Variants in TMEM132C observed in about 807,000 individuals in gnomAD.
TMEM132C encodes the protein protein phosphatase 1, regulatory subunit 152.
In TMEM132C, 29 loss-of-function variants were observed where a neutral mutation model predicts 61.4. The observed-to-expected ratio is 0.47, with a 90% CI of 0.35 to 0.64. The LOEUF is 0.64. TMEM132C is among the 30% of genes least tolerant of loss of function. TMEM132C has a pLI of 0.00. For synonymous variants in TMEM132C, 656 were observed against 633.1 expected (o/e 1.04, Z -0.54); for missense variants, 1,408 against 1,476.9 (o/e 0.95, Z 0.76).
chr12:128,649,835 T>G (rs548965592), intron 4 of TMEM132C, among the ~76,000 whole-genome samples: 5 of 152,358 alleles, frequency 3.3e-5, no homozygotes, highest in African/African-American at 1.2e-4. Context: ...ATTGCTTTCT[T>G]TTTTAAATGC....
chr12:128,275,383 G>A (rs1179821579), intron 1 of TMEM132C, among the ~76,000 whole-genome samples: 5 of 152,110 alleles, frequency 3.3e-5, no homozygotes, highest in Non-Finnish European at 5.9e-5. Flanking sequence ...CATGCGAGGG[G>A]CCTAGGTTGC....
intron 4 of TMEM132C, among the ~76,000 whole-genome samples, chr12:128,623,090 C>T (rs1200115718): frequency 6.6e-6 from 1 of 152,180 alleles, no homozygotes; most frequent in Non-Finnish European, 1.5e-5. Context: ...GCACATGAAG[C>T]TGTTCTGCCT....
chr12:128,585,605 AGC>A (rs1875514704), intron 3 of TMEM132C, among the ~76,000 whole-genome samples: 2 of 152,276 alleles, frequency 1.3e-5, no homozygotes, highest in South Asian at 4.1e-4. Flanking sequence ...AATATTGTAT[AGC>A]CATTTAAAAT....
chr12:128,643,021 G>T (rs533902268), intron 4 of TMEM132C, among the ~76,000 whole-genome samples: 2 of 152,116 alleles, frequency 1.3e-5, no homozygotes, highest in African/African-American at 4.8e-5. Context: ...TCATTGTAGC[G>T]ATCTCTCACT....
intron 1 of TMEM132C, among the ~76,000 whole-genome samples, chr12:128,341,035 G>T (rs1872963310): frequency 6.6e-6 from 1 of 151,276 alleles, no homozygotes; most frequent in African/African-American, 2.4e-5. Context: ...CCGCCTCCCA[G>T]GTTCAAATGA....
At chr12:128,512,751 C>T (rs1297323301) in intron 2 of TMEM132C, among the ~76,000 whole-genome samples, 2 of 152,174 alleles carry the variant, frequency 1.3e-5, no homozygotes, top group Non-Finnish European at 2.9e-5. Flanking sequence ...CACTGTTCCG[C>T]ACCCACCAAC....
chr12:128,427,026 G>A (rs924195516), intron 2 of TMEM132C, among the ~76,000 whole-genome samples: 20 of 152,162 alleles, frequency 1.3e-4, no homozygotes, highest in African/African-American at 3.6e-4. Context: ...GGCAGGATAA[G>A]GTGGCAAGTG....
intron 1 of TMEM132C, among the ~76,000 whole-genome samples, chr12:128,328,172 T>C (rs1027302229): frequency 1.3e-5 from 2 of 152,154 alleles, no homozygotes; most frequent in African/African-American, 4.8e-5. Context: ...ATTGGAAAGC[T>C]TTGGGGCTAT....
chr12:128,320,732 A>G (rs1002967979), intron 1 of TMEM132C, among the ~76,000 whole-genome samples: 1 of 152,010 alleles, frequency 6.6e-6, no homozygotes, highest in Non-Finnish European at 1.5e-5. Flanking sequence ...GTGAGCTGAG[A>G]TCACACCAGT....
rs116764988 is a variant in TMEM132C, at chr12:128,576,713, G to A, written c.1121+32610G>A. ...CAGGTTAAGCCATTTGTCCGTGATC[G>A]CACACCTAAGGGGTGGCAGAGTTTT... On this transcript the variant is annotated intron_variant, in intron 3 of 8. Transcript: ENST00000435159. 4.2e-3 allele frequency among the ~76,000 whole-genome samples: 634 copies of A among 152,298 alleles called. 6 individuals carry two copies. The highest frequency in any genetic ancestry group is 0.015 in the African/African-American group (604 of 41,562).
chr12:128,365,011 G>C (rs1488618453), intron 1 of TMEM132C, among the ~76,000 whole-genome samples: 1 of 152,174 alleles, frequency 6.6e-6, no homozygotes, highest in Non-Finnish European at 1.5e-5. Flanking sequence ...TTTATGTTGC[G>C]GGTTTCAGAT....
At position 128,705,585 on chromosome 12, in the gene TMEM132C, C is replaced by T. The variant is rs868346446; in HGVS notation, c.2617C>T (p.Arg873Trp). ...GGACAACAAAGTGGTGAAGAACAGT[C>T]GGGCAGACGGGGGCAGGCTGGCAGG... is the stretch of plus-strand genomic sequence containing the variant. Reference protein sequence around the residue: ...LLDNKVVKNSRADGGRLAGEG... With the variant: ...LLDNKVVKNSWADGGRLAGEG... The change falls in exon 9 of 9, where the codon CGG becomes TGG. Residue 873 changes from arginine to tryptophan, a missense_variant. By Grantham distance (101) the Arg-to-Trp change is moderately radical. Coordinates refer to ENST00000435159, the MANE Select transcript of TMEM132C (RefSeq NM_001136103.3). The T allele has an allele frequency of 1.4e-5, 22 of 1,551,106 alleles. No individual in the cohort carries two copies. The highest frequency in any genetic ancestry group is 1.8e-5 in the Non-Finnish European group (21 of 1,146,976).
At chr12:128,362,132 A>T (rs1393897402) in intron 1 of TMEM132C, among the ~76,000 whole-genome samples, 1 of 152,100 alleles carries the variant, frequency 6.6e-6, no homozygotes, top group Non-Finnish European at 1.5e-5. Context: ...TGAAATGACC[A>T]GGTTGGTTTG....
intron 3 of TMEM132C, among the ~76,000 whole-genome samples, chr12:128,572,352 G>A: frequency 6.6e-6 from 1 of 151,858 alleles, no homozygotes; most frequent in African/African-American, 2.4e-5. Context: ...TGGGTCACAT[G>A]ACTACTTGTG....
rs772817199 is a variant in TMEM132C at position 128,411,408 on chromosome 12, T to C, written c.86-3324T>C. Among the ~76,000 whole-genome samples, 4 of 152,258 alleles carry C rather than the reference T, an allele frequency of 2.6e-5. No individual in the cohort carries two copies. In the East Asian group the frequency reaches 7.7e-4, roughly 29 times the overall value. ...AAAAACTGTCGCTTCGATCTGACTT[T>C]ATGACAGTATCATCGAGTCATAGAT... On this transcript the variant is annotated intron_variant, in intron 1 of 8. Transcript: ENST00000435159.
At chr12:128,458,733 G>A (rs1049987534) in intron 2 of TMEM132C, among the ~76,000 whole-genome samples, 6 of 152,110 alleles carry the variant, frequency 3.9e-5, no homozygotes, top group South Asian at 2.1e-4. Context: ...TCCCACCATC[G>A]CCAGTTTCAA....
chr12:128,423,685 C>T (rs1238475299), intron 2 of TMEM132C, among the ~76,000 whole-genome samples: 1 of 151,884 alleles, frequency 6.6e-6, no homozygotes, highest in African/African-American at 2.4e-5. Flanking sequence ...GCCTGGGCAA[C>T]ATAGCGAGAC....
At chr12:128,595,603 AG>A (rs1875915030) in intron 3 of TMEM132C, among the ~76,000 whole-genome samples, 1 of 152,222 alleles carries the variant, frequency 6.6e-6, no homozygotes, top group African/African-American at 2.4e-5. Context: ...GGATTGTAAG[AG>A]GCAGCAGGAG....
intron 2 of TMEM132C, among the ~76,000 whole-genome samples, chr12:128,442,586 TA>T (rs534900599): frequency 0.016 from 2,232 of 140,448 alleles, 39 homozygotes; most frequent in Admixed American, 0.061. Flanking sequence ...GTCAGTGTTT[TA>T]AAAAAAAAAA....
Sources: allele counts gnomAD v4.1 joint callset (sites outside exome capture counted in the v4.1 genomes callset), GRCh38; gene constraint gnomAD v4.1.1; transcripts MANE v1.5; gene names NCBI Gene and HGNC (gene_info 2026-07-23, HGNC 2026-07-21).